ADAM12: variants seen among roughly 807,000 people sequenced by gnomAD.
The protein encoded by ADAM12 is ADAM metallopeptidase domain 12.
In ADAM12, 70 loss-of-function variants were observed where a neutral mutation model predicts 106.4. The ratio of observed to expected loss-of-function variants is 0.66; its 90% CI spans 0.54 to 0.80. The LOEUF is 0.80. Ranked by LOEUF, ADAM12 falls within the 30% of genes least tolerant of loss-of-function variation. ADAM12 has a pLI of 0.00. For missense variants in ADAM12, 1,010 were observed against 1,171.9 expected, an observed-to-expected ratio of 0.86 and a Z score of 2.02; for synonymous variants, 420 against 433.5, an observed-to-expected ratio of 0.97 and a Z score of 0.39.
At chr10:126,210,184 G>C (rs572957089) in intron 3 of ADAM12, among the ~76,000 whole-genome samples, 7 of 152,264 alleles carry the variant, frequency 4.6e-5, no homozygotes, top group African/African-American at 1.7e-4. Context: ...TCATCTCTGC[G>C]TGGTGAACTC....
intron 2 of ADAM12, among the ~76,000 whole-genome samples, chr10:126,282,387 T>C (rs1415906053): frequency 6.6e-6 from 1 of 152,182 alleles, no homozygotes; most frequent in Non-Finnish European, 1.5e-5. Flanking sequence ...TCATACACTT[T>C]CTCATGCTAA....
chr10:126,149,806 C>T (rs768513109), intron 4 of ADAM12, among the ~76,000 whole-genome samples: 11 of 152,308 alleles, frequency 7.2e-5, no homozygotes, highest in Non-Finnish European at 1.0e-4. Flanking sequence ...GCTGCACCAT[C>T]GGCTTCCCTA....
intron 5 of ADAM12, among the ~76,000 whole-genome samples, chr10:126,129,988 T>A (rs768642629): frequency 1.1e-3 from 165 of 152,194 alleles, no homozygotes; most frequent in Non-Finnish European, 2.0e-3. Context: ...TGTGATCCTG[T>A]GTTTTTGAAG....
chr10:126,090,257 C>T (rs1340225779), intron 11 of ADAM12, among the ~76,000 whole-genome samples: 1 of 151,172 alleles, frequency 6.6e-6, no homozygotes, highest in East Asian at 1.9e-4. Flanking sequence ...ATTCACCTAC[C>T]CCACCCGAGG....
rs1224188806 is a variant in ADAM12 at position 126,064,556 on chromosome 10, C to T, written c.1609+250G>A. Reference sequence around the variant, plus strand: ...CCGGGGCGCACAGTAGGTGCTCCTGCAGCTCCTGTTGGACCGCACTGAGCT... The same window carrying T: ...CCGGGGCGCACAGTAGGTGCTCCTGTAGCTCCTGTTGGACCGCACTGAGCT... On this transcript the variant is annotated intron_variant, in intron 14 of 22. Transcript: ENST00000448723. This position sits in a 1 kb window ranked among gnomAD's most constrained non-coding sequence, Gnocchi z 4.4. 9 of 434,262 alleles carry T rather than the reference C, an allele frequency of 2.1e-5. No homozygotes were observed. The highest frequency in any genetic ancestry group is 1.4e-4 in the African/African-American group (7 of 49,842). 26.9% of individuals were successfully genotyped at this position (434,262 alleles called of 1,614,324 possible).
chr10:126,180,666 A>G (rs889193367), intron 3 of ADAM12, among the ~76,000 whole-genome samples: 2 of 152,172 alleles, frequency 1.3e-5, no homozygotes, highest in African/African-American at 4.8e-5. Flanking sequence ...TCCTCAGATA[A>G]ATATTTATGA....
chr10:126,302,755 A>C (rs925779620), intron 2 of ADAM12, among the ~76,000 whole-genome samples: 1 of 152,252 alleles, frequency 6.6e-6, no homozygotes, highest in African/African-American at 2.4e-5. Context: ...ACATTTAGAA[A>C]GAAAGGAAAA....
intron 3 of ADAM12, among the ~76,000 whole-genome samples, chr10:126,174,866 C>T (rs956830773): frequency 6.6e-6 from 1 of 151,968 alleles, no homozygotes; most frequent in African/African-American, 2.4e-5. Context: ...CATTCTCCTG[C>T]CTCAGCCTCC....
chr10:126,045,917 C>T (rs1710312), intron 17 of ADAM12, 138 bp downstream of exon 17: 169,753 of 715,694 alleles, frequency 0.24, 27,181 homozygotes, highest in East Asian at 0.58. Flanking sequence ...GAAATGAATA[C>T]CTTTAGAAGA....
chr10:126,182,753 G>A (rs974603110), intron 3 of ADAM12, among the ~76,000 whole-genome samples: 2 of 152,200 alleles, frequency 1.3e-5, no homozygotes, highest in Non-Finnish European at 1.5e-5. Context: ...AAGGTTTTGC[G>A]TCCCTAGCGT....
intron 21 of ADAM12, among the ~76,000 whole-genome samples, chr10:126,030,455 T>A (rs1188459275): frequency 6.6e-6 from 1 of 152,172 alleles, no homozygotes; most frequent in Non-Finnish European, 1.5e-5. Context: ...TGAAGGAGAC[T>A]GTTTTCCGAA....
chr10:126,124,698 G>C (rs944662482), intron 5 of ADAM12, among the ~76,000 whole-genome samples: 12 of 151,926 alleles, frequency 7.9e-5, no homozygotes, highest in African/African-American at 2.9e-4. Context: ...TTCCAGTCCA[G>C]CCTGGGCAAC....
At chr10:126,086,674 AAAAAAAATATATAT>A (rs1955354910) in intron 11 of ADAM12, among the ~76,000 whole-genome samples, 1 of 35,254 alleles carries the variant, frequency 2.8e-5, no homozygotes, top group South Asian at 1.5e-3. Flanking sequence ...AAAAAAAAAA[AAAAAAAATATATAT>A]ATATATATAT....
At chr10:126,163,783 T>C (rs1956977907) in intron 3 of ADAM12, among the ~76,000 whole-genome samples, 1 of 152,192 alleles carries the variant, frequency 6.6e-6, no homozygotes, top group African/African-American at 2.4e-5. Flanking sequence ...CCTCCCACAC[T>C]GGGTTGAGCT....
At chr10:126,220,750 T>C (rs2133851817) in intron 3 of ADAM12, among the ~76,000 whole-genome samples, 1 of 152,350 alleles carries the variant, frequency 6.6e-6, no homozygotes, top group African/African-American at 2.4e-5. Flanking sequence ...TCTTACCCAA[T>C]GTGAGCAGTT....
intron 3 of ADAM12, among the ~76,000 whole-genome samples, chr10:126,257,553 T>C (rs905845386): frequency 2.0e-5 from 3 of 152,206 alleles, no homozygotes; most frequent in African/African-American, 7.2e-5. Context: ...AAGAAAAACA[T>C]TTTATTGACT....
intron 2 of ADAM12, among the ~76,000 whole-genome samples, chr10:126,321,478 A>G (rs1854091894): frequency 6.6e-6 from 1 of 152,202 alleles, no homozygotes; most frequent in East Asian, 1.9e-4. Context: ...TTGGAAATGC[A>G]GAGCCCTTCC....
intron 4 of ADAM12, among the ~76,000 whole-genome samples, chr10:126,139,552 A>G (rs933547159): frequency 1.3e-5 from 2 of 152,176 alleles, no homozygotes; most frequent in East Asian, 1.9e-4. Flanking sequence ...GATCCTTCAT[A>G]CAACACTGAA....
chr10:126,182,113 G>A (rs942222925), intron 3 of ADAM12, among the ~76,000 whole-genome samples: 1 of 152,200 alleles, frequency 6.6e-6, no homozygotes, highest in East Asian at 1.9e-4. Flanking sequence ...CGTATGGCAC[G>A]CCAGGTAACA....
Sources: allele counts gnomAD v4.1 joint callset (sites outside exome capture counted in the v4.1 genomes callset), GRCh38; gene constraint gnomAD v4.1.1; non-coding constraint Gnocchi (gnomAD v3.1); transcripts MANE v1.5; gene names NCBI Gene and HGNC (gene_info 2026-07-23, HGNC 2026-07-21).